LMX1A: variants seen among roughly 807,000 people sequenced by gnomAD.
LMX1A encodes LIM homeobox transcription factor 1-alpha.
A neutral mutation model predicts 49.1 loss-of-function variants in LMX1A; 15 were observed. That is an observed-to-expected ratio of 0.31 (90% CI 0.20 to 0.47). The LOEUF is 0.47. LMX1A is among the 20% of genes least tolerant of loss of function. The probability of loss-of-function intolerance (pLI) is 1.00; values close to 1 mark genes in which losing one functional copy is unlikely to be tolerated. For synonymous variants in LMX1A, 167 were observed against 185.7 expected, an observed-to-expected ratio of 0.90 and a Z score of 0.82; for missense variants, 372 against 475.8, an observed-to-expected ratio of 0.78 and a Z score of 2.03.
chr1:165,283,207 C>A (rs182332282), intron 3 of LMX1A, among the ~76,000 whole-genome samples: 32 of 152,354 alleles, frequency 2.1e-4, no homozygotes, highest in Admixed American at 1.4e-3. Context: ...GTTGTTACAA[C>A]TGCCTACAGT....
Position 165,238,095 on chromosome 1 carries a change from G to A in LMX1A, c.496+11313C>T, listed in dbSNP as rs149992963. Among the ~76,000 whole-genome samples the A allele has an allele frequency of 4.5e-3, 689 of 152,314 alleles. 20 individuals carry two copies. Among genetic ancestry groups the A allele is most frequent in the Admixed American group, 0.042 (639 of 15,296 alleles). On this transcript the variant is annotated intron_variant, in intron 4 of 8. Transcript: ENST00000342310. ...TACCCAAAGAGGACCCAATGTAAAG[G>A]TGGATAGACAGAAGCACATTGTCAT...
chr1:165,211,110 C>T, intron 5 of LMX1A: 1 of 192,464 alleles, frequency 5.2e-6, no homozygotes, highest in Non-Finnish European at 1.1e-5. Context: ...CATGCATATG[C>T]ATTGACCTAC....
chr1:165,229,706 A>G (rs1000239398), intron 4 of LMX1A, among the ~76,000 whole-genome samples: 7 of 146,760 alleles, frequency 4.8e-5, no homozygotes, highest in African/African-American at 1.8e-4. Flanking sequence ...CTGGTTCTCA[A>G]TCAGGAGGGT....
intron 3 of LMX1A, among the ~76,000 whole-genome samples, chr1:165,274,856 T>C (rs1653914424): frequency 6.6e-6 from 1 of 152,152 alleles, no homozygotes; most frequent in Non-Finnish European, 1.5e-5. Context: ...AGTTTCCCCA[T>C]CTGTAAAATG....
At chr1:165,311,514 G>A (rs1226751479) in intron 3 of LMX1A, among the ~76,000 whole-genome samples, 1 of 152,142 alleles carries the variant, frequency 6.6e-6, no homozygotes, top group East Asian at 1.9e-4. Flanking sequence ...TCACTGGTTG[G>A]CTCTTAACAC....
chr1:165,268,139 G>A (rs1011183782), intron 3 of LMX1A, among the ~76,000 whole-genome samples: 1 of 152,088 alleles, frequency 6.6e-6, no homozygotes, highest in Non-Finnish European at 1.5e-5. Context: ...GTGAGTGTCA[G>A]CCTTAACTTA....
At chr1:165,229,852 A>G (rs1652179050) in intron 4 of LMX1A, among the ~76,000 whole-genome samples, 1 of 152,172 alleles carries the variant, frequency 6.6e-6, no homozygotes, top group Non-Finnish European at 1.5e-5. Context: ...GCCTCACCAA[A>G]AATGCCAATA....
intron 4 of LMX1A, among the ~76,000 whole-genome samples, chr1:165,235,913 C>T (rs1652416157): frequency 6.6e-6 from 1 of 152,056 alleles, no homozygotes; most frequent in Admixed American, 6.6e-5. Context: ...TGTGTTTCTG[C>T]GCCTGGCCTC....
intron 3 of LMX1A, among the ~76,000 whole-genome samples, chr1:165,327,572 G>A (rs1449806093): frequency 1.3e-5 from 2 of 152,194 alleles, no homozygotes; most frequent in Non-Finnish European, 2.9e-5. Flanking sequence ...AGACACAAAG[G>A]CAGCGATTCC....
At chr1:165,293,823 G>T in intron 3 of LMX1A, among the ~76,000 whole-genome samples, 1 of 152,022 alleles carries the variant, frequency 6.6e-6, no homozygotes, top group East Asian at 1.9e-4. Context: ...CCATTCAAGA[G>T]GGCTCAGGCC....
chr1:165,261,157 G>T (rs1653427281), intron 3 of LMX1A, among the ~76,000 whole-genome samples: 2 of 152,176 alleles, frequency 1.3e-5, no homozygotes, highest in African/African-American at 4.8e-5. Context: ...TTCCTTTCAT[G>T]TTAGACTTCA....
At chr1:165,326,933 C>T (rs1010164997) in intron 3 of LMX1A, among the ~76,000 whole-genome samples, 1 of 152,122 alleles carries the variant, frequency 6.6e-6, no homozygotes, top group Non-Finnish European at 1.5e-5. Context: ...AGGGCAGCCC[C>T]CTCACCCCCA....
intron 3 of LMX1A, among the ~76,000 whole-genome samples, chr1:165,339,703 T>C (rs1292512224): frequency 6.6e-6 from 1 of 152,142 alleles, no homozygotes; most frequent in African/African-American, 2.4e-5. Context: ...TGATCAGTTC[T>C]AACAAACCCA....
At chr1:165,205,294 G>A (rs1299044946) in intron 8 of LMX1A, among the ~76,000 whole-genome samples, 4 of 152,280 alleles carry the variant, frequency 2.6e-5, no homozygotes, top group East Asian at 1.9e-4. Flanking sequence ...GCTTAAGCAC[G>A]AAGCTGGGTA....
intron 3 of LMX1A, among the ~76,000 whole-genome samples, chr1:165,280,345 C>T (rs1490610725): frequency 6.6e-6 from 1 of 152,124 alleles, no homozygotes; most frequent in Non-Finnish European, 1.5e-5. Context: ...TTGATCCTAA[C>T]CCTTAAAAAC....
intron 4 of LMX1A, among the ~76,000 whole-genome samples, chr1:165,246,350 A>C (rs1465682938): frequency 6.6e-6 from 1 of 152,212 alleles, no homozygotes; most frequent in Non-Finnish European, 1.5e-5. Context: ...AGTTCAGATA[A>C]GATATTTGAT....
intron 6 of LMX1A, among the ~76,000 whole-genome samples, chr1:165,208,390 T>C (rs914671350): frequency 1.3e-5 from 2 of 152,202 alleles, no homozygotes; most frequent in Admixed American, 6.5e-5. Flanking sequence ...AATAGGGATT[T>C]TTTCCTCAGT....
At chr1:165,230,305 T>A (rs1310778064) in intron 4 of LMX1A, among the ~76,000 whole-genome samples, 1 of 152,182 alleles carries the variant, frequency 6.6e-6, no homozygotes, top group African/African-American at 2.4e-5. Flanking sequence ...AATCTCTCAG[T>A]TTATGTTCTT....
Position 165,254,278 on chromosome 1 carries a change from G to A in LMX1A, c.264-4638C>T, listed in dbSNP as rs190636532. The stretch of plus-strand genomic sequence containing the variant: ...CCCCAAGTTGGAGAAGGGAGGGTTG[G>A]AGTGAGTTCAACAAAGAAAGCCCAC... On this transcript the variant is annotated intron_variant, in intron 3 of 8. Coordinates refer to ENST00000342310, the MANE Select transcript of LMX1A (RefSeq NM_177398.4). Among the ~76,000 whole-genome samples, 611 of 152,286 alleles carry A rather than the reference G, an allele frequency of 4.0e-3. 1 individual carries two copies. Among genetic ancestry groups the A allele is most frequent in the Non-Finnish European group, 6.4e-3 (436 of 68,022 alleles).
Sources: allele counts gnomAD v4.1 joint callset (sites outside exome capture counted in the v4.1 genomes callset), GRCh38; gene constraint gnomAD v4.1.1; transcripts MANE v1.5; gene names NCBI Gene and HGNC (gene_info 2026-07-23, HGNC 2026-07-21).